The following MYO9B variants were observed in gnomAD, a reference collection of about 807,000 sequenced individuals.
The protein encoded by MYO9B is myosin IXB.
Under a neutral mutation model 229.5 loss-of-function variants are expected in MYO9B, and 71 were observed. That is an observed-to-expected ratio of 0.31 (90% CI 0.26 to 0.38). The LOEUF is 0.38. Ranked by LOEUF, MYO9B falls within the 10% of genes least tolerant of loss-of-function variation. The pLI is 1.00. For missense variants in MYO9B, 2,255 were observed against 2,920.5 expected, an observed-to-expected ratio of 0.77 and a Z score of 5.25; for synonymous variants, 1,185 against 1,235.8, an observed-to-expected ratio of 0.96 and a Z score of 0.86.
intron 1 of MYO9B, among the ~76,000 whole-genome samples, chr19:17,098,146 C>G (rs1371981591): frequency 6.6e-6 from 1 of 151,936 alleles, no homozygotes. Context: ...CCTTCACCTC[C>G]CAGATTCAAG....
chr19:17,092,961 G>A (rs979544892), intron 1 of MYO9B, among the ~76,000 whole-genome samples: 1 of 146,710 alleles, frequency 6.8e-6, no homozygotes, highest in Admixed American at 6.9e-5. Flanking sequence ...GTATTCACAT[G>A]TGTTTCCTCT....
Position 17,101,658 on chromosome 19 carries a change from A to G in MYO9B, c.-58-2A>G, listed in dbSNP as rs1033081044. 8 of 1,477,258 alleles carry G rather than the reference A, an allele frequency of 5.4e-6. No homozygotes were observed. The African/African-American group carries it at 8.5e-5, about 16-fold the overall frequency. The allele number at this position is 1,477,258 out of a possible 1,614,324, so 91.5% of individuals were successfully genotyped here. A position where few individuals can be genotyped will look rare whatever the true frequency, so the allele number is the denominator to read the frequency against. ...CATGCCTGGCTCTGACCTCCCTTCTAGCTCCAGGACACGCGCGCCCCGAGC... is the reference window on the plus strand; with the variant it reads ...CATGCCTGGCTCTGACCTCCCTTCTGGCTCCAGGACACGCGCGCCCCGAGC... On this transcript the variant is annotated splice_acceptor_variant, in intron 1 of 39. Transcript: ENST00000682292. LOFTEE classifies it low-confidence loss of function (5UTR_SPLICE). The surrounding 1 kb of genome is among the most constrained non-coding windows in gnomAD (Gnocchi z 4.7).
At chr19:17,173,906 A>G (rs1191546846) in intron 13 of MYO9B, among the ~76,000 whole-genome samples, 4 of 151,998 alleles carry the variant, frequency 2.6e-5, no homozygotes, top group Non-Finnish European at 5.9e-5. Flanking sequence ...AAGGGGCTTC[A>G]TGAAAAGGAG....
chr19:17,113,471 G>T (rs1261209778), intron 2 of MYO9B, among the ~76,000 whole-genome samples: 1 of 152,208 alleles, frequency 6.6e-6, no homozygotes, highest in East Asian at 1.9e-4. Context: ...TCAAGACTCA[G>T]GCTAGCCCAG....
At chr19:17,188,592 A>G (rs1292198995) in intron 19 of MYO9B, among the ~76,000 whole-genome samples, 1 of 152,168 alleles carries the variant, frequency 6.6e-6, no homozygotes, top group Non-Finnish European at 1.5e-5. Flanking sequence ...TTTCTCATCC[A>G]CTGAATAGAA....
chr19:17,087,702 G>A (rs1034938951), intron 1 of MYO9B, among the ~76,000 whole-genome samples: 3 of 152,134 alleles, frequency 2.0e-5, no homozygotes, highest in Non-Finnish European at 4.4e-5. Context: ...GGCCGAGGCG[G>A]GTGGATCACC....
intron 3 of MYO9B, among the ~76,000 whole-genome samples, chr19:17,151,655 G>A (rs373268185): frequency 2.0e-5 from 3 of 152,174 alleles, no homozygotes; most frequent in East Asian, 1.9e-4. Flanking sequence ...CATGGCTCAC[G>A]CCTGTAATCC....
At chr19:17,191,884 G>A (rs2072988951) in intron 20 of MYO9B, among the ~76,000 whole-genome samples, 1 of 152,170 alleles carries the variant, frequency 6.6e-6, no homozygotes, top group Non-Finnish European at 1.5e-5. Context: ...GCTGAGGCAG[G>A]AGTTTGAGAC....
At chr19:17,176,423 A>G (rs575868536) in intron 14 of MYO9B, among the ~76,000 whole-genome samples, 34 of 152,260 alleles carry the variant, frequency 2.2e-4, no homozygotes, top group African/African-American at 7.9e-4. Flanking sequence ...CACCTGCCTC[A>G]GCCTCCCAAA....
intron 3 of MYO9B, among the ~76,000 whole-genome samples, chr19:17,145,757 C>A (rs555888119): frequency 6.6e-6 from 1 of 151,918 alleles, no homozygotes; most frequent in African/African-American, 2.4e-5. Flanking sequence ...CATTTCCTGT[C>A]TTGATAAAGT....
In MYO9B at chr19:17,195,590, G is replaced by T; in HGVS notation, c.4046+117G>T. The T allele has an allele frequency of 7.6e-7, 1 of 1,308,564 alleles. No individual in the cohort carries two copies. The highest frequency in any genetic ancestry group is 1.4e-5 in the South Asian group (1 of 72,512). The allele number at this position is 1,308,564 out of a possible 1,614,324, so 81.1% of individuals were successfully genotyped here. A position where few individuals can be genotyped will look rare whatever the true frequency, so the allele number is the denominator to read the frequency against. On this transcript the variant is annotated intron_variant, in intron 22 of 39. Coordinates refer to ENST00000682292, the MANE Select transcript of MYO9B (RefSeq NM_004145.4). This position sits in a 1 kb window ranked among gnomAD's most constrained non-coding sequence, Gnocchi z 4.5. Reference sequence around the variant, plus strand: ...GTAATCATGCCCAGTGGGTGTGCGGGAGGCCTGAGGGAGGAGGACGAGCAG... The same window carrying T: ...GTAATCATGCCCAGTGGGTGTGCGGTAGGCCTGAGGGAGGAGGACGAGCAG...
Position 17,193,576 on chromosome 19 carries a change from A to ACACATG in MYO9B, c.3128+517_3128+522dup, listed in dbSNP as rs1248868303. Reference sequence around the variant, plus strand: ...CCAGCTCCCGGAGCAGGCCCTACCCACACATGCAAAAGCCTCCTAGGCCAG... The same window carrying ACACATG: ...CCAGCTCCCGGAGCAGGCCCTACCCACACATGCACATGCAAAAGCCTCCTAGGCCAG... On this transcript the variant is annotated intron_variant, in intron 21 of 39. Transcript: ENST00000682292. The surrounding 1 kb of genome is among the most constrained non-coding windows in gnomAD (Gnocchi z 4.3). 6.6e-6 allele frequency among the ~76,000 whole-genome samples: 1 copy of ACACATG among 152,130 alleles called. No homozygotes were observed. The highest frequency in any genetic ancestry group is 1.5e-5 in the Non-Finnish European group (1 of 68,026).
At chr19:17,208,913 G>C (rs12978876) in intron 35 of MYO9B, among the ~76,000 whole-genome samples, 18 of 40,838 alleles carry the variant, frequency 4.4e-4, no homozygotes, top group African/African-American at 1.7e-3. Flanking sequence ...TCTGGTACTG[G>C]CCACTCCGGG....
chr19:17,196,845 CAGAA>C (rs934097178), intron 22 of MYO9B, among the ~76,000 whole-genome samples: 36 of 151,066 alleles, frequency 2.4e-4, no homozygotes, highest in African/African-American at 8.3e-4. Flanking sequence ...GATGGACAGA[CAGAA>C]GGATGGGTGG....
chr19:17,200,522 C>G, intron 25 of MYO9B, 96 bp downstream of exon 25: 1 of 1,509,772 alleles, frequency 6.6e-7, no homozygotes, highest in Non-Finnish European at 8.9e-7. Context: ...TGGCTGTGGG[C>G]CAAGCCCTAG....
rs1410383894 is a variant in MYO9B at position 17,206,084 on chromosome 19, C to T, written c.5189C>T (p.Thr1730Ile). 6.2e-7 allele frequency: 1 copy of T among 1,608,908 alleles called. No homozygotes were observed. The highest frequency in any genetic ancestry group is 8.5e-7 in the Non-Finnish European group (1 of 1,176,502). ...CACGTGGAGATGCACGGCCTGTACA[C>T]CGAGGGCCTCTACCGCAAGTCGGGT... Reference protein sequence around the residue: ...LEHVEMHGLYTEGLYRKSGAA... With the variant: ...LEHVEMHGLYIEGLYRKSGAA... Residue 1730 changes from threonine (T) to isoleucine (I), a missense_variant, in exon 32 of 40, where the codon ACC (threonine) becomes ATC (isoleucine). Thr to Ile is a moderately conservative substitution (Grantham distance 89). Around this residue, in one of 7 missense-constraint regions of MYO9B, gnomAD observed 416 missense variants for 605.5 expected, o/e 0.69. Coordinates refer to ENST00000682292, the MANE Select transcript of MYO9B (RefSeq NM_004145.4).
At position 17,192,828 on chromosome 19, in the gene MYO9B, G is replaced by A. The variant is rs955504524; in HGVS notation, c.2894G>A (p.Ser965Asn). The change falls in exon 21 of 40, where the codon AGC becomes AAC. Residue 965 changes from serine (S) to asparagine (N), a missense_variant. Ser to Asn is a conservative substitution (Grantham distance 46). Transcript: ENST00000682292. ...EVVRKILLLQ[S>N]WFRMVLERRH... ...GTGCGGAAAATCCTGCTGCTGCAGA[G>A]CTGGTTCCGGATGGTGCTGGAGCGT... is the stretch of plus-strand genomic sequence containing the variant. The A allele has an allele frequency of 6.4e-7, 1 of 1,554,614 alleles. No individual in the cohort carries two copies. The highest frequency in any genetic ancestry group is 1.4e-5 in the African/African-American group (1 of 73,306).
chr19:17,114,909 C>T (rs2057885747), intron 2 of MYO9B, among the ~76,000 whole-genome samples: 2 of 150,518 alleles, frequency 1.3e-5, no homozygotes, highest in African/African-American at 4.9e-5. Flanking sequence ...TTTGGTTCCC[C>T]CAGTTGCTTT....
At chr19:17,110,822 G>T (rs983681716) in intron 2 of MYO9B, among the ~76,000 whole-genome samples, 1 of 152,102 alleles carries the variant, frequency 6.6e-6, no homozygotes, top group African/African-American at 2.4e-5. Flanking sequence ...GGACATTCCA[G>T]TGAGGGACTG....
Sources: allele counts gnomAD v4.1 joint callset (sites outside exome capture counted in the v4.1 genomes callset), GRCh38; gene constraint gnomAD v4.1.1; regional missense constraint gnomAD v4.1.1; non-coding constraint Gnocchi (gnomAD v3.1); transcripts MANE v1.5; gene names NCBI Gene and HGNC (gene_info 2026-07-23, HGNC 2026-07-21).